Variants in ERGIC2 observed in about 807,000 individuals in gnomAD.
ERGIC2 encodes endoplasmic reticulum-Golgi intermediate compartment protein 2.
Under a neutral mutation model 52.5 loss-of-function variants are expected in ERGIC2, and 31 were observed. The observed-to-expected ratio is 0.59, with a 90% confidence interval of 0.44 to 0.80. The LOEUF (loss-of-function observed/expected upper bound fraction) is 0.80. Ranked by LOEUF, ERGIC2 falls within the 30% of genes least tolerant of loss-of-function variation. The probability of loss-of-function intolerance (pLI) is 0.00; values close to 1 mark genes in which losing one functional copy is unlikely to be tolerated. For missense variants in ERGIC2, 395 were observed against 455.2 expected (o/e 0.87, Z 1.20); for synonymous variants, 129 against 140.6 (o/e 0.92, Z 0.58).
intron 7 of ERGIC2, among the ~76,000 whole-genome samples, chr12:29,357,243 T>C (rs1940220033): frequency 6.6e-6 from 1 of 152,212 alleles, no homozygotes; most frequent in African/African-American, 2.4e-5. Context: ...GTGCTGGGAT[T>C]ACAGACGTGA....
intron 12 of ERGIC2, among the ~76,000 whole-genome samples, chr12:29,342,157 AT>A (rs1165118001): frequency 6.6e-6 from 1 of 152,140 alleles, no homozygotes; most frequent in African/African-American, 2.4e-5. Context: ...GATTACAGGC[AT>A]GTACCACCAT....
At chr12:29,370,279 A>C in intron 2 of ERGIC2, 57 bp from the exon 3 acceptor site, 1 of 1,465,380 alleles carries the variant, frequency 6.8e-7, no homozygotes, top group Non-Finnish European at 9.0e-7. Flanking sequence ...AAAGCAAAGA[A>C]TAGGAAACTA....
chr12:29,374,219 G>A (rs59368526), intron 1 of ERGIC2, among the ~76,000 whole-genome samples: 3,465 of 152,124 alleles, frequency 0.023, 120 homozygotes, highest in African/African-American at 0.078. Context: ...CCTTAGTACT[G>A]ACAGACACTC....
At chr12:29,379,172 T>A (rs1037291897) in intron 1 of ERGIC2, among the ~76,000 whole-genome samples, 5 of 152,162 alleles carry the variant, frequency 3.3e-5, no homozygotes, top group African/African-American at 1.2e-4. Context: ...AAAGAACAAC[T>A]AGACTATAGT....
rs778754104 is a variant in ERGIC2, at chr12:29,345,478, A to G, written c.790T>C (p.Ser264Pro). The change falls in exon 11 of 14, where the codon TCA becomes CCA. Residue 264 changes from serine to proline, a missense_variant. Ser to Pro is a moderately conservative substitution (Grantham distance 74). Transcript: ENST00000360150. ...ACAGAAAACTGATGGGTGTCTGCTG[A>G]TATTTTATATGTATGTAGTTTTGTT... ...VPTKLHTYKI[S>P]ADTHQFSVTE... The G allele has an allele frequency of 1.2e-6, 2 of 1,601,692 alleles. No individual in the cohort carries two copies. Among genetic ancestry groups the G allele is most frequent in the East Asian group, 2.2e-5 (1 of 44,800 alleles).
chr12:29,346,844 G>A (rs1247653507), intron 10 of ERGIC2, among the ~76,000 whole-genome samples: 1 of 152,128 alleles, frequency 6.6e-6, no homozygotes, highest in South Asian at 2.1e-4. Flanking sequence ...CGGGTCTAGA[G>A]AATTCTCTAG....
Position 29,366,222 on chromosome 12 carries a change from C to T in ERGIC2, c.333+655G>A, listed in dbSNP as rs371952354. On this transcript the variant is annotated intron_variant, in intron 5 of 13. Coordinates refer to ENST00000360150, the MANE Select transcript of ERGIC2 (RefSeq NM_016570.3). ...CTGCTGAGGGCCTCATGCTTATTCT[C>T]GAAAGCTTATTTAGGGCTAGTTCTG... is the stretch of plus-strand genomic sequence containing the variant. Among the ~76,000 whole-genome samples the T allele has an allele frequency of 4.6e-5, 7 of 152,040 alleles. No individual in the cohort carries two copies. The East Asian group carries it at 7.7e-4, about 17-fold the overall frequency.
chr12:29,378,614 A>G (rs1333828178), intron 1 of ERGIC2, among the ~76,000 whole-genome samples: 2 of 151,786 alleles, frequency 1.3e-5, no homozygotes, highest in Non-Finnish European at 2.9e-5. Context: ...AACCCCCTCA[A>G]TTGTACTTAT....
intron 6 of ERGIC2, 52 bp from the exon 7 acceptor site, chr12:29,357,776 G>T: frequency 1.0e-6 from 1 of 969,854 alleles, no homozygotes; most frequent in South Asian, 1.4e-5. Context: ...AAAGAGAGCT[G>T]ACACTTATTC....
At chr12:29,361,543 C>T in intron 6 of ERGIC2, 102 bp downstream of exon 6, 1 of 803,668 alleles carries the variant, frequency 1.2e-6, no homozygotes, top group Admixed American at 2.8e-5. Context: ...AAGAATTCAT[C>T]CAAAGAAATC....
At position 29,342,655 on chromosome 12, in the gene ERGIC2, T is replaced by C. The variant is rs16934166; in HGVS notation, c.988+465A>G. Among the ~76,000 whole-genome samples the C allele has an allele frequency of 6.6e-3, 1,008 of 152,344 alleles. 17 individuals are homozygous for C. Among genetic ancestry groups the C allele is most frequent in the African/African-American group, 0.022 (926 of 41,568 alleles). On this transcript the variant is annotated intron_variant, in intron 12 of 13. Coordinates refer to ENST00000360150, the MANE Select transcript of ERGIC2 (RefSeq NM_016570.3). ...CTGATTACAAATCTAGTTTCATGTATTGCATAATTCAAAGTACTATAACAT... is the reference window on the plus strand; with the variant it reads ...CTGATTACAAATCTAGTTTCATGTACTGCATAATTCAAAGTACTATAACAT...
intron 2 of ERGIC2, 31 bp from the exon 3 acceptor site, chr12:29,370,253 A>T (rs951641875): frequency 1.3e-6 from 2 of 1,515,388 alleles, no homozygotes; most frequent in African/African-American, 2.9e-5. Flanking sequence ...AGAAAAACAG[A>T]ATTAAAACAA....
chr12:29,366,895 A>G lies in ERGIC2; in HGVS notation c.315T>C (p.Asp105=). ...AACTTACTGGTTCATAAACTAAACC[A>G]TCTGCAGATGCAACCATTGTTTCTG... ...DLAETMVASA[D]GLVYEPTVFD... Residue 105 remains aspartate (D), a synonymous_variant, in exon 5 of 14, where the codon GAT becomes GAC. Transcript: ENST00000360150. 1 of 1,603,368 alleles carries G rather than the reference A, an allele frequency of 6.2e-7. No homozygotes were observed. The highest frequency in any genetic ancestry group is 8.5e-7 in the Non-Finnish European group (1 of 1,173,704).
rs746861314 is a variant in ERGIC2 at position 29,371,517 on chromosome 12, C to G, written c.106+11G>C. On this transcript the variant is annotated intron_variant, in intron 2 of 13. Transcript: ENST00000360150. The stretch of plus-strand genomic sequence containing the variant: ...CTTACTACAGAACTTTTAATGTTAA[C>G]TGATACTCACCTGTACCTCCACTGG... 5.1e-6 allele frequency: 8 copies of G among 1,561,088 alleles called. No homozygotes were observed. The highest frequency in any genetic ancestry group is 7.0e-6 in the Non-Finnish European group (8 of 1,147,266).
At chr12:29,354,546 G>A (rs1470383652) in intron 8 of ERGIC2, among the ~76,000 whole-genome samples, 3 of 152,110 alleles carry the variant, frequency 2.0e-5, no homozygotes, top group African/African-American at 7.2e-5. Context: ...TTACAGTTGA[G>A]ACTGACATTG....
At chr12:29,359,908 A>C (rs1348719545) in intron 6 of ERGIC2, among the ~76,000 whole-genome samples, 1 of 152,084 alleles carries the variant, frequency 6.6e-6, no homozygotes, top group African/African-American at 2.4e-5. Context: ...TATTTTCTTT[A>C]ATTTAAAAAT....
rs1949811117 is a variant in ERGIC2, at chr12:29,338,253, CTT to C, written c.*2901_*2902del. Reference sequence around the variant, plus strand: ...TAAGATTGTATTAAAGACTGTAAATCTTGTTTGCATTAGTAAATTTTTAATTA... The same window carrying C: ...TAAGATTGTATTAAAGACTGTAAATCGTTTGCATTAGTAAATTTTTAATTA... On this transcript the variant is annotated 3_prime_UTR_variant, in exon 14 of 14. Transcript: ENST00000360150. 1 of 151,134 alleles carries C rather than the reference CTT, an allele frequency of 6.6e-6. No individual in the cohort carries two copies. The highest frequency in any genetic ancestry group is 2.4e-5 in the African/African-American group (1 of 41,080). 9.4% of individuals were successfully genotyped at this position (151,134 alleles called of 1,614,324 possible).
intron 2 of ERGIC2, 131 bp downstream of exon 2, chr12:29,371,397 C>T: frequency 1.7e-6 from 1 of 584,870 alleles, no homozygotes. Context: ...GGCATGAAGA[C>T]AGACAAGTTA....
Position 29,345,530 on chromosome 12 carries a change from C to T in ERGIC2, c.738G>A (p.Met246Ile), listed in dbSNP as rs747414812. 3 of 1,574,292 alleles carry T rather than the reference C, an allele frequency of 1.9e-6. No homozygotes were observed. The highest frequency in any genetic ancestry group is 2.2e-5 in the South Asian group (2 of 90,348). The change falls in exon 11 of 14, where the codon ATG becomes ATA. Residue 246 changes from methionine (M) to isoleucine (I), a missense_variant. Transcript: ENST00000360150. Reference protein sequence around the residue: ...TEKIAIDHNQMFQYFITVVPT... With the variant: ...TEKIAIDHNQIFQYFITVVPT... ...GCACAACTGTAATAAAATATTGGAACATCTGGTTGTCTAGAATACAAAAAA... is the reference window on the plus strand; with the variant it reads ...GCACAACTGTAATAAAATATTGGAATATCTGGTTGTCTAGAATACAAAAAA...
Sources: allele counts gnomAD v4.1 joint callset (sites outside exome capture counted in the v4.1 genomes callset), GRCh38; gene constraint gnomAD v4.1.1; transcripts MANE v1.5; gene names NCBI Gene and HGNC (gene_info 2026-07-23, HGNC 2026-07-21).